Variants in PPP1R2 observed in about 807,000 individuals in gnomAD.
The protein encoded by PPP1R2 is protein phosphatase 1 regulatory inhibitor subunit 2, also known as protein phosphatase inhibitor 2.
PPP1R2 carries 16 observed loss-of-function variants against 29.9 expected under a neutral mutation model. The ratio of observed to expected loss-of-function variants is 0.53; its 90% confidence interval spans 0.36 to 0.81. The LOEUF is 0.81. PPP1R2 is among the 30% of genes least tolerant of loss of function. The pLI is 0.00. For missense variants in PPP1R2, 197 were observed against 252.7 expected (o/e 0.78, Z 1.49); for synonymous variants, 76 against 91.5 (o/e 0.83, Z 0.96).
intron 1 of PPP1R2, among the ~76,000 whole-genome samples, chr3:195,531,541 C>T (rs1357887195): frequency 6.6e-6 from 1 of 152,206 alleles, no homozygotes; most frequent in Non-Finnish European, 1.5e-5. Context: ...TTGCAGGTGA[C>T]TTCGTATTCT....
Position 195,524,691 on chromosome 3 carries a change from C to T in PPP1R2, c.308+128G>A, listed in dbSNP as rs771899630. 2.3e-5 allele frequency: 18 copies of T among 779,110 alleles called. 1 individual carries two copies. Among genetic ancestry groups the T allele is most frequent in the South Asian group, 1.5e-4 (8 of 52,506 alleles). The allele number at this position is 779,110 out of a possible 1,614,324, so 48.3% of individuals were successfully genotyped here. ...AAGGGGGAAAAAAGGAAAAAAAAGT[C>T]GGCATAAAACATGTTGATCAACAGC... is the stretch of plus-strand genomic sequence containing the variant. On this transcript the variant is annotated intron_variant, in intron 3 of 5. Transcript: ENST00000618156.
chr3:195,541,455 CTTTTTTTTT>C (rs553981950), intron 1 of PPP1R2, among the ~76,000 whole-genome samples: 2 of 99,316 alleles, frequency 2.0e-5, no homozygotes, highest in African/African-American at 7.7e-5. Context: ...CTTTTCTTTC[CTTTTTTTTT>C]TTTTTTTTTT....
At chr3:195,530,431 CTGTT>C (rs1357737706) in intron 1 of PPP1R2, among the ~76,000 whole-genome samples, 1 of 151,150 alleles carries the variant, frequency 6.6e-6, no homozygotes, top group African/African-American at 2.5e-5. Context: ...AATTACAGCT[CTGTT>C]TATTTCTAAT....
At chr3:195,539,112 A>AT (rs894200830) in intron 1 of PPP1R2, among the ~76,000 whole-genome samples, 1 of 152,148 alleles carries the variant, frequency 6.6e-6, no homozygotes, top group African/African-American at 2.4e-5. Context: ...AGCTGGCAGT[A>AT]TTTTTTCTTC....
intron 5 of PPP1R2, among the ~76,000 whole-genome samples, chr3:195,517,228 AG>A (rs1228971971): frequency 6.6e-6 from 1 of 152,178 alleles, no homozygotes; most frequent in East Asian, 1.9e-4. Context: ...TCCAATATCC[AG>A]AGCTATAAAA....
In PPP1R2 at chr3:195,524,900, G is replaced by C; in HGVS notation, c.231-4C>G. ...ATCTTCATCATCCCCCATCATACTA[G>C]TATGACAAGCACATTGTAATTAATA... On this transcript the variant is annotated splice_polypyrimidine_tract_variant and splice_region_variant and intron_variant, in intron 2 of 5. Transcript: ENST00000618156. The C allele has an allele frequency of 6.2e-7, 1 of 1,613,270 alleles. No homozygotes were observed. Among genetic ancestry groups the C allele is most frequent in the Non-Finnish European group, 8.5e-7 (1 of 1,179,338 alleles).
At chr3:195,537,579 C>G (rs1719444039) in intron 1 of PPP1R2, among the ~76,000 whole-genome samples, 1 of 149,214 alleles carries the variant, frequency 6.7e-6, no homozygotes, top group African/African-American at 2.5e-5. Context: ...GCCTAATTTC[C>G]TCATGTGAAT....
At chr3:195,522,600 CTTTTGGGGTATA>C (rs946155834) in intron 4 of PPP1R2, among the ~76,000 whole-genome samples, 1 of 152,096 alleles carries the variant, frequency 6.6e-6, no homozygotes, top group Non-Finnish European at 1.5e-5. Context: ...TTTCAAGGAT[CTTTTGGGGTATA>C]TTTTGGGAAA....
At chr3:195,519,382 T>C (rs914679426) in intron 4 of PPP1R2, 197 bp from the exon 5 acceptor site, 4 of 464,174 alleles carry the variant, frequency 8.6e-6, no homozygotes, top group Middle Eastern at 5.3e-4. Flanking sequence ...ATATTTACTA[T>C]CTGGCATTCA....
chr3:195,539,252 G>A (rs963243602), intron 1 of PPP1R2, among the ~76,000 whole-genome samples: 1 of 152,216 alleles, frequency 6.6e-6, no homozygotes, highest in Non-Finnish European at 1.5e-5. Flanking sequence ...AGAATGGGAA[G>A]TCCACAATGA....
rs1375134251 is a variant in PPP1R2, at chr3:195,519,099, C to G, written c.490G>C (p.Asp164His). Residue 164 changes from aspartate to histidine, a missense_variant, in exon 5 of 6, where the codon GAC becomes CAC. Transcript: ENST00000618156. ...TCATCTTCATCATCATCATGTAGGT[C>G]TTTTGAAATTAATTGTCTGGCTAGT... is the stretch of plus-strand genomic sequence containing the variant. The part of the protein sequence containing the change: ...IKLARQLISK[D>H]LHDDDEDEEM... 9.3e-6 allele frequency: 15 copies of G among 1,611,806 alleles called. No individual in the cohort carries two copies. The highest frequency in any genetic ancestry group is 1.3e-5 in the Non-Finnish European group (15 of 1,178,222).
chr3:195,521,633 G>A (rs923259616), intron 4 of PPP1R2, among the ~76,000 whole-genome samples: 1 of 151,916 alleles, frequency 6.6e-6, no homozygotes, highest in African/African-American at 2.4e-5. Context: ...TTGAAACTGT[G>A]CATCATGATT....
intron 4 of PPP1R2, 130 bp from the exon 5 acceptor site, chr3:195,519,315 T>C: frequency 1.4e-6 from 1 of 698,434 alleles, no homozygotes; most frequent in Non-Finnish European, 2.3e-6. Flanking sequence ...GCTTTTGTGT[T>C]CAATGGCAGA....
chr3:195,527,869 C>CT (rs745651540), intron 2 of PPP1R2: 14,194 of 305,402 alleles, frequency 0.046, 15 homozygotes, highest in East Asian at 0.077. Context: ...GATCTTGTAT[C>CT]TTTTTTTTTT....
intron 2 of PPP1R2, among the ~76,000 whole-genome samples, chr3:195,526,623 T>C (rs1272685216): frequency 6.6e-6 from 1 of 152,098 alleles, no homozygotes; most frequent in Non-Finnish European, 1.5e-5. Context: ...ATTTTTTTTC[T>C]TTTTCTTTAG....
chr3:195,538,442 C>G (rs574494260), intron 1 of PPP1R2, among the ~76,000 whole-genome samples: 6 of 152,234 alleles, frequency 3.9e-5, no homozygotes, highest in South Asian at 2.1e-4. Flanking sequence ...ACTTCGAAGC[C>G]TGATATCGTT....
At chr3:195,535,188 C>G (rs564433211) in intron 1 of PPP1R2, among the ~76,000 whole-genome samples, 1 of 152,146 alleles carries the variant, frequency 6.6e-6, no homozygotes, top group African/African-American at 2.4e-5. Context: ...AAGGAGTGGG[C>G]GACCTAGAGC....
rs545517255 is a variant in PPP1R2, at chr3:195,516,552, G to GA, written c.*343dup. The GA allele has an allele frequency of 3.2e-4, 68 of 211,182 alleles. No homozygotes were observed. Among genetic ancestry groups the GA allele is most frequent in the African/African-American group, 1.5e-3 (64 of 43,666 alleles). The allele number at this position is 211,182 out of a possible 1,614,324, so 13.1% of individuals were successfully genotyped here. ...TAAGAGCTACCACATTTCAAGTGATGAAAATAAATTAGTTCCCCCCCAAAG... is the reference window on the plus strand; with the variant it reads ...TAAGAGCTACCACATTTCAAGTGATGAAAAATAAATTAGTTCCCCCCCAAAG... On this transcript the variant is annotated 3_prime_UTR_variant, in exon 6 of 6. Coordinates refer to ENST00000618156, the MANE Select transcript of PPP1R2 (RefSeq NM_006241.8).
intron 4 of PPP1R2, among the ~76,000 whole-genome samples, chr3:195,521,314 C>CAAAAAAAAAA (rs869228346): frequency 3.5e-5 from 2 of 56,676 alleles, no homozygotes; most frequent in Non-Finnish European, 6.2e-5. Context: ...GACTCTGTCT[C>CAAAAAAAAAA]AAAAAAAAAA....
Sources: gnomAD v4.1 joint callset for allele counts (sites outside exome capture counted in the v4.1 genomes callset) on GRCh38, gnomAD v4.1.1 for gene constraint, MANE v1.5 for transcripts, NCBI Gene and HGNC (gene_info 2026-07-23, HGNC 2026-07-21) for gene names.